The following FAM135B variants were observed in gnomAD, a reference collection of about 807,000 sequenced individuals.
FAM135B encodes the protein family with sequence similarity 135 member B.
In FAM135B, 43 loss-of-function variants were observed where a neutral mutation model predicts 127.7. The observed-to-expected ratio is 0.34, with a 90% confidence interval of 0.26 to 0.43. The LOEUF (loss-of-function observed/expected upper bound fraction) is 0.43. FAM135B is among the 20% of genes least tolerant of loss of function. FAM135B has a pLI of 1.00. For missense variants in FAM135B, 1,558 were observed against 1,725.6 expected, an observed-to-expected ratio of 0.90 and a Z score of 1.72; for synonymous variants, 670 against 665.1, an observed-to-expected ratio of 1.01 and a Z score of -0.11.
At chr8:138,263,062 G>A (rs1478907429) in intron 4 of FAM135B, among the ~76,000 whole-genome samples, 1 of 151,900 alleles carries the variant, frequency 6.6e-6, no homozygotes, top group East Asian at 1.9e-4. Flanking sequence ...ACTGGAGCTG[G>A]GGCCTTTGGA....
intron 4 of FAM135B, among the ~76,000 whole-genome samples, chr8:138,259,487 A>G (rs1325931914): frequency 6.6e-6 from 1 of 152,232 alleles, no homozygotes; most frequent in Non-Finnish European, 1.5e-5. Context: ...AAAAACGTAC[A>G]CAAAGGGCTT....
intron 2 of FAM135B, among the ~76,000 whole-genome samples, chr8:138,321,748 G>A (rs1827469130): frequency 1.3e-5 from 2 of 152,094 alleles, no homozygotes; most frequent in Admixed American, 1.3e-4. Flanking sequence ...TTTAATAATA[G>A]GTATAATAAA....
chr8:138,386,791 G>A (rs1332880858), intron 1 of FAM135B, among the ~76,000 whole-genome samples: 1 of 152,108 alleles, frequency 6.6e-6, no homozygotes, highest in Admixed American at 6.5e-5. Flanking sequence ...CATTCAATCC[G>A]TGAGCAAATG....
At chr8:138,249,057 GCTGT>G (rs563225059) in intron 6 of FAM135B, among the ~76,000 whole-genome samples, 3 of 152,018 alleles carry the variant, frequency 2.0e-5, no homozygotes, top group Non-Finnish European at 4.4e-5. Flanking sequence ...CCTACCCCAG[GCTGT>G]CTGTCACCTT....
chr8:138,345,824 C>A (rs540711165), intron 2 of FAM135B, among the ~76,000 whole-genome samples: 1 of 152,330 alleles, frequency 6.6e-6, no homozygotes, highest in Non-Finnish European at 1.5e-5. Flanking sequence ...ATCTCTACTG[C>A]CTCAGTTTCT....
chr8:138,146,084 G>T, intron 14 of FAM135B, 34 bp from the exon 15 acceptor site: 1 of 1,070,070 alleles, frequency 9.3e-7, no homozygotes, highest in Non-Finnish European at 1.4e-6. Flanking sequence ...TCCCAGTCCC[G>T]TAGTTAGTCA....
At chr8:138,454,406 T>G (rs16909178) in intron 1 of FAM135B, among the ~76,000 whole-genome samples, 1,553 of 152,262 alleles carry the variant, frequency 0.01, 29 homozygotes, top group African/African-American at 0.036. Context: ...TATTATAGTC[T>G]TAGTGCGGCT....
chr8:138,316,495 A>G (rs1013867056), intron 2 of FAM135B, among the ~76,000 whole-genome samples: 2 of 151,488 alleles, frequency 1.3e-5, no homozygotes, highest in African/African-American at 4.9e-5. Flanking sequence ...CTCCGTCTCA[A>G]AAAACAAAAA....
intron 2 of FAM135B, among the ~76,000 whole-genome samples, chr8:138,361,560 T>C (rs1830424483): frequency 6.6e-6 from 1 of 152,186 alleles, no homozygotes; most frequent in Non-Finnish European, 1.5e-5. Flanking sequence ...ACACTTTACA[T>C]CTCTAACATT....
At chr8:138,203,899 G>T (rs1817354870) in intron 7 of FAM135B, among the ~76,000 whole-genome samples, 1 of 152,292 alleles carries the variant, frequency 6.6e-6, no homozygotes, top group African/African-American at 2.4e-5. Flanking sequence ...TCAGGTATTA[G>T]ATTCTCATAA....
intron 7 of FAM135B, among the ~76,000 whole-genome samples, chr8:138,230,752 C>T (rs1036864342): frequency 6.6e-6 from 1 of 152,250 alleles, no homozygotes. Flanking sequence ...TTAAAGCCTA[C>T]CTCTTGCCCT....
chr8:138,361,791 G>A (rs979985802), intron 2 of FAM135B, among the ~76,000 whole-genome samples: 17 of 151,920 alleles, frequency 1.1e-4, no homozygotes, highest in African/African-American at 3.6e-4. Context: ...GTCCCTTGTC[G>A]GGCTGACCCA....
intron 1 of FAM135B, among the ~76,000 whole-genome samples, chr8:138,389,302 G>A (rs1345047147): frequency 6.6e-6 from 1 of 152,016 alleles, no homozygotes; most frequent in Non-Finnish European, 1.5e-5. Flanking sequence ...TCCCATTCTG[G>A]GTATGTATAC....
At chr8:138,230,152 T>C (rs1468604791) in intron 7 of FAM135B, among the ~76,000 whole-genome samples, 6 of 152,176 alleles carry the variant, frequency 3.9e-5, no homozygotes, top group African/African-American at 1.2e-4. Context: ...CAATTGTGCA[T>C]GTAAAGATGA....
At chr8:138,485,451 A>C (rs1474009602) in intron 1 of FAM135B, among the ~76,000 whole-genome samples, 1 of 152,230 alleles carries the variant, frequency 6.6e-6, no homozygotes, top group Non-Finnish European at 1.5e-5. Flanking sequence ...GTACATACAC[A>C]GATCAGCCTT....
intron 12 of FAM135B, among the ~76,000 whole-genome samples, chr8:138,153,979 G>T (rs1818441411): frequency 6.6e-6 from 1 of 152,214 alleles, no homozygotes; most frequent in African/African-American, 2.4e-5. Context: ...AGAACAGACA[G>T]ACTGCCTCCT....
At chr8:138,159,129 G>A (rs377425764) in intron 12 of FAM135B, among the ~76,000 whole-genome samples, 10 of 147,620 alleles carry the variant, frequency 6.8e-5, no homozygotes, top group East Asian at 4.0e-4. Flanking sequence ...AAAATTAGCC[G>A]GGCGCGGTGG....
chr8:138,406,970 C>T (rs1363946838), intron 1 of FAM135B, among the ~76,000 whole-genome samples: 2 of 150,558 alleles, frequency 1.3e-5, no homozygotes, highest in African/African-American at 4.9e-5. Context: ...TCAAATTGTC[C>T]CTGTTTGCAG....
chr8:138,373,990 GC>G (rs961319403), intron 1 of FAM135B, among the ~76,000 whole-genome samples: 2 of 152,006 alleles, frequency 1.3e-5, no homozygotes, highest in African/African-American at 4.8e-5. Flanking sequence ...GCCTCCATTT[GC>G]CTTGTGATAT....
Sources: allele counts gnomAD v4.1 joint callset (sites outside exome capture counted in the v4.1 genomes callset), GRCh38; gene constraint gnomAD v4.1.1; transcripts MANE v1.5; gene names NCBI Gene and HGNC (gene_info 2026-07-23, HGNC 2026-07-21).